The following PLEKHG1 variants were observed in gnomAD, a reference collection of about 807,000 sequenced individuals.
The protein encoded by PLEKHG1 is pleckstrin homology domain-containing family G member 1.
In PLEKHG1, 44 loss-of-function variants were observed where a neutral mutation model predicts 100.8. The observed-to-expected ratio is 0.44, with a 90% CI of 0.34 to 0.56. The LOEUF is 0.56. Ranked by LOEUF, PLEKHG1 falls within the 20% of genes least tolerant of loss-of-function variation. The pLI is 0.01. For missense variants in PLEKHG1, 1,545 were observed against 1,720.9 expected (o/e 0.90, Z 1.81); for synonymous variants, 640 against 662.5 (o/e 0.97, Z 0.52).
chr6:150,689,855 CAAAA>C (rs58356927), intron 3 of PLEKHG1, among the ~76,000 whole-genome samples: 2 of 84,644 alleles, frequency 2.4e-5, no homozygotes. Context: ...AACTCTGTCT[CAAAA>C]AAAAAAAAAA....
At chr6:150,834,213 C>G (rs1342119781) in intron 15 of PLEKHG1, among the ~76,000 whole-genome samples, 1 of 152,140 alleles carries the variant, frequency 6.6e-6, no homozygotes, top group Non-Finnish European at 1.5e-5. Flanking sequence ...CCATGATGCA[C>G]TATGAGTAAT....
chr6:150,665,369 G>A (rs142131982), intron 3 of PLEKHG1, among the ~76,000 whole-genome samples: 9 of 152,248 alleles, frequency 5.9e-5, no homozygotes, highest in African/African-American at 2.2e-4. Context: ...CGTGGCTCAC[G>A]CCTGTAATCC....
chr6:150,738,251 A>AC (rs565127850), intron 2 of PLEKHG1, among the ~76,000 whole-genome samples: 14 of 151,980 alleles, frequency 9.2e-5, no homozygotes, highest in Non-Finnish European at 1.8e-4. Flanking sequence ...CAACTTAATT[A>AC]CCCCCATTAG....
At chr6:150,711,784 A>G (rs886835311) in intron 3 of PLEKHG1, among the ~76,000 whole-genome samples, 1 of 152,206 alleles carries the variant, frequency 6.6e-6, no homozygotes, top group Non-Finnish European at 1.5e-5. Context: ...AATATTAAGT[A>G]ATTGAATATA....
At chr6:150,660,557 G>T (rs1156782661) in intron 3 of PLEKHG1, among the ~76,000 whole-genome samples, 1 of 152,130 alleles carries the variant, frequency 6.6e-6, no homozygotes, top group Non-Finnish European at 1.5e-5. Context: ...GTCTGAGGAA[G>T]GGCTCTTCTA....
At chr6:150,729,855 A>T (rs1372900984) in intron 1 of PLEKHG1, among the ~76,000 whole-genome samples, 2 of 151,548 alleles carry the variant, frequency 1.3e-5, no homozygotes, top group Non-Finnish European at 2.9e-5. Context: ...GCTATTTAAG[A>T]TCTATCCATG....
intron 3 of PLEKHG1, among the ~76,000 whole-genome samples, chr6:150,707,761 T>C (rs574006860): frequency 3.0e-4 from 46 of 152,144 alleles, no homozygotes; most frequent in African/African-American, 1.1e-3. Flanking sequence ...GGTCCACAGG[T>C]CACACTCTGT....
intron 15 of PLEKHG1, among the ~76,000 whole-genome samples, chr6:150,837,353 T>C (rs2128692744): frequency 6.6e-6 from 1 of 152,218 alleles, no homozygotes; most frequent in Admixed American, 6.5e-5. Flanking sequence ...ATGGAGAATC[T>C]TGAGAGATGA....
chr6:150,726,975 A>G (rs1484653304), intron 1 of PLEKHG1, among the ~76,000 whole-genome samples: 1 of 152,238 alleles, frequency 6.6e-6, no homozygotes, highest in East Asian at 1.9e-4. Flanking sequence ...TGAGGCTCTA[A>G]CAAAACTGCG....
intron 2 of PLEKHG1, among the ~76,000 whole-genome samples, chr6:150,734,456 C>T (rs1782459979): frequency 1.3e-5 from 2 of 152,146 alleles, no homozygotes; most frequent in African/African-American, 4.8e-5. Flanking sequence ...ATGACTAAAC[C>T]CCTCAGCTGT....
chr6:150,771,296 A>T (rs1784702498), intron 3 of PLEKHG1, among the ~76,000 whole-genome samples: 1 of 151,950 alleles, frequency 6.6e-6, no homozygotes, highest in African/African-American at 2.4e-5. Context: ...ACATGCCTGT[A>T]ATCCCAGCTA....
chr6:150,702,224 CACTT>C (rs1582968048), intron 3 of PLEKHG1, among the ~76,000 whole-genome samples: 1 of 152,226 alleles, frequency 6.6e-6, no homozygotes, highest in African/African-American at 2.4e-5. Flanking sequence ...ATAATCCCAG[CACTT>C]TGGGAGGCTG....
intron 3 of PLEKHG1, among the ~76,000 whole-genome samples, chr6:150,781,289 G>T (rs1785297785): frequency 6.6e-6 from 1 of 151,538 alleles, no homozygotes; most frequent in Non-Finnish European, 1.5e-5. Context: ...TGGATCACCT[G>T]AGGTCAAGAG....
rs1776285558 is a variant in PLEKHG1, at chr6:150,600,287, G to A, written c.-204+270G>A. 6.7e-6 allele frequency among the ~76,000 whole-genome samples: 1 copy of A among 148,640 alleles called. No homozygotes were observed. Among genetic ancestry groups the A allele is most frequent in the African/African-American group, 2.5e-5 (1 of 40,244 alleles). On this transcript the variant is annotated intron_variant, in intron 1 of 3. Transcript: ENST00000367326. The surrounding 1 kb of genome is among the most constrained non-coding windows in gnomAD (Gnocchi z 6.2). ...GCGTCTCGGGGGTCGGAGTCGGGTC[G>A]GGGATGCTGCCCGCCGCCGCCCCGC...
chr6:150,614,340 T>C (rs889343107), intron 1 of PLEKHG1, among the ~76,000 whole-genome samples: 5 of 152,214 alleles, frequency 3.3e-5, no homozygotes, highest in African/African-American at 9.6e-5. Flanking sequence ...CTCACAGAGT[T>C]GGATGGACTC....
chr6:150,740,435 G>A (rs1782792501), intron 2 of PLEKHG1, among the ~76,000 whole-genome samples: 1 of 152,174 alleles, frequency 6.6e-6, no homozygotes, highest in Admixed American at 6.5e-5. Flanking sequence ...CAAGAAAGAA[G>A]GCTGTTGAGA....
rs574820672 is a variant in PLEKHG1 at position 150,643,366 on chromosome 6, A to G, written c.-158+5241A>G. Among the ~76,000 whole-genome samples the G allele has an allele frequency of 2.6e-5, 4 of 152,300 alleles. No homozygotes were observed. The South Asian group carries it at 8.3e-4, about 32-fold the overall frequency. The stretch of plus-strand genomic sequence containing the variant: ...GAAGTATCTGGTATCAGTGTAACAC[A>G]TCTTAATAATGTAGTAAGAACCTCA... On this transcript the variant is annotated intron_variant, in intron 2 of 3. Coordinates refer to the PLEKHG1 transcript ENST00000367326.
At chr6:150,732,957 A>G (rs1782351202) in intron 1 of PLEKHG1, among the ~76,000 whole-genome samples, 1 of 152,218 alleles carries the variant, frequency 6.6e-6, no homozygotes, top group African/African-American at 2.4e-5. Context: ...CTAGTATTAG[A>G]AAATTATTGT....
intron 14 of PLEKHG1, among the ~76,000 whole-genome samples, chr6:150,826,858 T>TA (rs1776637788): frequency 6.6e-6 from 1 of 151,932 alleles, no homozygotes; most frequent in Admixed American, 6.6e-5. Context: ...AGGCTGGTCT[T>TA]AAACTCCTTA....
Sources: allele counts gnomAD v4.1 joint callset (sites outside exome capture counted in the v4.1 genomes callset), GRCh38; gene constraint gnomAD v4.1.1; non-coding constraint Gnocchi (gnomAD v3.1); transcripts MANE v1.5; gene names NCBI Gene and HGNC (gene_info 2026-07-23, HGNC 2026-07-21).